DLGAP2: variants seen among roughly 807,000 people sequenced by gnomAD.
The protein encoded by DLGAP2 is DLG associated protein 2, also known as disks large-associated protein 2.
DLGAP2 carries 26 observed loss-of-function variants against 100.3 expected under a neutral mutation model. That is an observed-to-expected ratio of 0.26 (90% CI 0.19 to 0.36). The LOEUF (loss-of-function observed/expected upper bound fraction) is 0.36, where lower values mean the gene tolerates loss of function less well. Among genes scored for constraint, DLGAP2 ranks in the 10% least tolerant of loss-of-function variants. The pLI is 1.00. For missense variants in DLGAP2, 1,858 were observed against 1,453.2 expected (o/e 1.28, Z -4.53); for synonymous variants, 886 against 630.1 (o/e 1.41, Z -6.08).
intron 2 of DLGAP2, among the ~76,000 whole-genome samples, chr8:1,091,202 C>T (rs748347605): frequency 1.3e-5 from 2 of 152,170 alleles, no homozygotes; most frequent in South Asian, 2.1e-4. Context: ...AACGTCACTT[C>T]GTGAAGTACT....
At chr8:921,090 G>C (rs1341401633) in intron 2 of DLGAP2, among the ~76,000 whole-genome samples, 4 of 152,168 alleles carry the variant, frequency 2.6e-5, no homozygotes, top group East Asian at 1.9e-4. Flanking sequence ...TTTAATCCTT[G>C]CCTTGTCTTC....
At chr8:1,490,150 A>AC (rs1359847486) in intron 3 of DLGAP2, among the ~76,000 whole-genome samples, 1 of 152,132 alleles carries the variant, frequency 6.6e-6, no homozygotes, top group African/African-American at 2.4e-5. Flanking sequence ...TCAGCCTCCC[A>AC]AAGTGCTGAG....
chr8:1,012,990 G>C (rs575410613), intron 2 of DLGAP2, among the ~76,000 whole-genome samples: 1 of 152,180 alleles, frequency 6.6e-6, no homozygotes, highest in African/African-American at 2.4e-5. Flanking sequence ...TTGCAGATGA[G>C]GAAGTTGAGA....
intron 1 of DLGAP2, among the ~76,000 whole-genome samples, chr8:786,110 C>A (rs957310909): frequency 6.6e-6 from 1 of 152,220 alleles, no homozygotes; most frequent in Non-Finnish European, 1.5e-5. Context: ...TGCGAAACAC[C>A]CATGCCTGAG....
At chr8:827,957 G>A (rs1004563449) in intron 1 of DLGAP2, among the ~76,000 whole-genome samples, 2 of 152,148 alleles carry the variant, frequency 1.3e-5, no homozygotes, top group Non-Finnish European at 2.9e-5. Flanking sequence ...GGTAGGATCC[G>A]TGATGCCCCA....
chr8:818,458 C>G (rs1796526572), intron 1 of DLGAP2, among the ~76,000 whole-genome samples: 2 of 152,214 alleles, frequency 1.3e-5, no homozygotes, highest in Non-Finnish European at 2.9e-5. Flanking sequence ...TGAGAAAGCA[C>G]AGACTCACGG....
At chr8:930,223 G>A (rs1798924641) in intron 2 of DLGAP2, among the ~76,000 whole-genome samples, 1 of 152,216 alleles carries the variant, frequency 6.6e-6, no homozygotes, top group Non-Finnish European at 1.5e-5. Flanking sequence ...AGGAAGCAAA[G>A]GCAAGACGTG....
At chr8:823,123 T>TG (rs1470818940) in intron 1 of DLGAP2, among the ~76,000 whole-genome samples, 1 of 152,126 alleles carries the variant, frequency 6.6e-6, no homozygotes, top group Non-Finnish European at 1.5e-5. Flanking sequence ...ACGTCTCACT[T>TG]GGTGGCAGCT....
At chr8:775,211 C>G (rs1022534662) in intron 1 of DLGAP2, among the ~76,000 whole-genome samples, 1 of 151,574 alleles carries the variant, frequency 6.6e-6, no homozygotes, top group Non-Finnish European at 1.5e-5. Context: ...TATCCTGAGA[C>G]TTTGCTGAAG....
At chr8:861,650 C>A (rs1190226719) in intron 1 of DLGAP2, among the ~76,000 whole-genome samples, 2 of 152,162 alleles carry the variant, frequency 1.3e-5, no homozygotes, top group Non-Finnish European at 2.9e-5. Context: ...TCCAAACAAC[C>A]CAGGAATAAT....
At chr8:1,290,731 A>T (rs1176582289) in intron 3 of DLGAP2, among the ~76,000 whole-genome samples, 2 of 152,220 alleles carry the variant, frequency 1.3e-5, no homozygotes, top group African/African-American at 2.4e-5. Context: ...CATTCCAGAC[A>T]GTATGTAGTT....
At chr8:822,178 A>G (rs912569315) in intron 1 of DLGAP2, 10 of 399,364 alleles carry the variant, frequency 2.5e-5, no homozygotes, top group East Asian at 2.1e-4. Flanking sequence ...GCCCAGCCAC[A>G]ATGGGGACTG....
intron 3 of DLGAP2, among the ~76,000 whole-genome samples, chr8:1,304,423 G>C (rs1440486709): frequency 6.6e-6 from 1 of 152,164 alleles, no homozygotes; most frequent in Non-Finnish European, 1.5e-5. Context: ...TTGTACATGA[G>C]ATTTTTTAAA....
intron 6 of DLGAP2, among the ~76,000 whole-genome samples, chr8:1,584,710 C>G (rs1430948493): frequency 6.6e-6 from 1 of 152,152 alleles, no homozygotes; most frequent in Non-Finnish European, 1.5e-5. Context: ...TTGGCACTTG[C>G]TCCTGGGGGT....
At chr8:870,284 G>T (rs1184302274) in intron 1 of DLGAP2, among the ~76,000 whole-genome samples, 1 of 152,174 alleles carries the variant, frequency 6.6e-6, no homozygotes, top group Non-Finnish European at 1.5e-5. Context: ...TCATGCAGAT[G>T]ATGCTTATAA....
At chr8:1,101,406 G>C (rs993722781) in intron 2 of DLGAP2, among the ~76,000 whole-genome samples, 4 of 152,182 alleles carry the variant, frequency 2.6e-5, no homozygotes, top group Non-Finnish European at 5.9e-5. Context: ...GAACCTTGAG[G>C]ACATTAAGCA....
intron 3 of DLGAP2, among the ~76,000 whole-genome samples, chr8:1,479,064 C>G (rs1017423591): frequency 3.3e-5 from 5 of 152,234 alleles, no homozygotes; most frequent in African/African-American, 9.6e-5. Flanking sequence ...TTGCATAGCA[C>G]CAGCTGAGAG....
chr8:1,374,842 C>G (rs966940821), intron 3 of DLGAP2, among the ~76,000 whole-genome samples: 1 of 152,186 alleles, frequency 6.6e-6, no homozygotes, highest in Non-Finnish European at 1.5e-5. Context: ...AGCAACTGTG[C>G]GTGGGACTCC....
intron 3 of DLGAP2, among the ~76,000 whole-genome samples, chr8:1,429,436 C>G (rs1287328764): frequency 6.6e-6 from 1 of 152,136 alleles, no homozygotes; most frequent in Non-Finnish European, 1.5e-5. Context: ...GTGTCTTGTT[C>G]ATTGCTGTGG....
Sources: gnomAD v4.1 joint callset for allele counts (sites outside exome capture counted in the v4.1 genomes callset) on GRCh38, gnomAD v4.1.1 for gene constraint, MANE v1.5 for transcripts, NCBI Gene and HGNC (gene_info 2026-07-23, HGNC 2026-07-21) for gene names.